Variants in CUL1 observed in about 807,000 individuals in gnomAD.
The protein encoded by CUL1 is cullin-1.
Under a neutral mutation model 118.0 loss-of-function variants are expected in CUL1, and 24 were observed. The observed-to-expected ratio is 0.20, with a 90% CI of 0.15 to 0.29. CUL1 has a LOEUF of 0.29. Ranked by LOEUF, CUL1 falls within the 10% of genes least tolerant of loss-of-function variation. The pLI is 1.00. For synonymous variants in CUL1, 332 were observed against 340.4 expected, an observed-to-expected ratio of 0.98 and a Z score of 0.27; for missense variants, 361 against 933.8, an observed-to-expected ratio of 0.39 and a Z score of 7.99.
chr7:148,752,792 G>T (rs1393820869), intron 2 of CUL1, among the ~76,000 whole-genome samples: 3 of 152,158 alleles, frequency 2.0e-5, no homozygotes, highest in African/African-American at 7.2e-5. Flanking sequence ...GGGACTACAG[G>T]CGCCTGCCAC....
intron 3 of CUL1, among the ~76,000 whole-genome samples, chr7:148,754,929 T>C (rs1409158847): frequency 6.6e-6 from 1 of 151,812 alleles, no homozygotes; most frequent in African/African-American, 2.4e-5. Context: ...AATTTTTAAA[T>C]CTTTTGTAGA....
At chr7:148,790,211 CTT>C (rs1800958292) in intron 15 of CUL1, 97 bp from the exon 16 acceptor site, 1 of 1,315,210 alleles carries the variant, frequency 7.6e-7, no homozygotes. Context: ...TAAGCACTGA[CTT>C]TGTACTGTAA....
intron 1 of CUL1, among the ~76,000 whole-genome samples, chr7:148,725,897 T>C (rs1191971394): frequency 6.6e-6 from 1 of 152,218 alleles, no homozygotes; most frequent in Non-Finnish European, 1.5e-5. Flanking sequence ...CCTCAGATCA[T>C]CTGTGCATGA....
intron 2 of CUL1, among the ~76,000 whole-genome samples, chr7:148,751,129 A>T (rs243486): frequency 6.6e-6 from 1 of 152,008 alleles, no homozygotes; most frequent in South Asian, 2.1e-4. Context: ...GCTTTGTAGC[A>T]CTAAGTTGGC....
intron 9 of CUL1, among the ~76,000 whole-genome samples, chr7:148,778,577 G>A (rs148642455): frequency 6.6e-5 from 10 of 152,172 alleles, no homozygotes; most frequent in Non-Finnish European, 1.5e-4. Context: ...TGCACGATAT[G>A]TTTTTGTTAC....
At position 148,732,976 on chromosome 7, in the gene CUL1, G is replaced by A. The variant is rs139917361; in HGVS notation, c.140+2714G>A. ...AATGAAATAATGGCTACAGCTGTCAGGCTTTGTGCTTGGAACCATCCACAC... is the reference window on the plus strand; with the variant it reads ...AATGAAATAATGGCTACAGCTGTCAAGCTTTGTGCTTGGAACCATCCACAC... On this transcript the variant is annotated intron_variant, in intron 2 of 21. Coordinates refer to ENST00000325222, the MANE Select transcript of CUL1 (RefSeq NM_003592.3). 4.4e-3 allele frequency among the ~76,000 whole-genome samples: 666 copies of A among 152,148 alleles called. 6 individuals carry two copies. The highest frequency in any genetic ancestry group is 0.015 in the African/African-American group (637 of 41,510).
At chr7:148,778,699 C>G (rs1800508789) in intron 9 of CUL1, among the ~76,000 whole-genome samples, 1 of 152,160 alleles carries the variant, frequency 6.6e-6, no homozygotes. Context: ...TTCTTGTTGA[C>G]TGCCTGTCCT....
At chr7:148,717,180 C>T (rs1381768347) in intron 1 of CUL1, among the ~76,000 whole-genome samples, 3 of 152,136 alleles carry the variant, frequency 2.0e-5, no homozygotes, top group African/African-American at 4.8e-5. Flanking sequence ...CCTCAGCCTC[C>T]TGGGTAGCTG....
At chr7:148,786,628 C>A in intron 12 of CUL1, 29 bp downstream of exon 12, 1 of 1,588,074 alleles carries the variant, frequency 6.3e-7, no homozygotes, top group Non-Finnish European at 8.6e-7. Flanking sequence ...TACCCATTTC[C>A]AGTAGCTGTG....
chr7:148,730,552 C>A lies in CUL1; in HGVS notation c.140+290C>A, dbSNP rs375641176. Among the ~76,000 whole-genome samples, 66 of 152,264 alleles carry A rather than the reference C, an allele frequency of 4.3e-4. No homozygotes were observed. The East Asian group carries it at 7.7e-3, about 18-fold the overall frequency. The stretch of plus-strand genomic sequence containing the variant: ...TGTGTGATTAATAAATAAAACATTT[C>A]TGTCATGTAGAAGGTTCCGTTGGGC... On this transcript the variant is annotated intron_variant, in intron 2 of 21. Transcript: ENST00000325222.
chr7:148,776,420 G>A (rs35519647), intron 9 of CUL1, among the ~76,000 whole-genome samples: 47,891 of 145,772 alleles, frequency 0.33, 9,487 homozygotes, highest in Non-Finnish European at 0.44. Flanking sequence ...AGGTTCAAGC[G>A]ATTCTCCTGC....
At chr7:148,768,242 T>C (rs1563163842) in intron 9 of CUL1, among the ~76,000 whole-genome samples, 1 of 151,844 alleles carries the variant, frequency 6.6e-6, no homozygotes. Flanking sequence ...TCATCTGTAA[T>C]TCAGGTCATC....
intron 6 of CUL1, 134 bp from the exon 7 acceptor site, chr7:148,760,199 A>G: frequency 1.6e-6 from 1 of 615,026 alleles, no homozygotes. Flanking sequence ...CTAGTGAGTA[A>G]GAGTTACTTA....
chr7:148,797,749 G>A, intron 17 of CUL1, 63 bp from the exon 18 acceptor site: 1 of 1,223,180 alleles, frequency 8.2e-7, no homozygotes, highest in Non-Finnish European at 1.2e-6. Flanking sequence ...GGTTGCCTGT[G>A]GTGGTTATTG....
intron 9 of CUL1, among the ~76,000 whole-genome samples, chr7:148,782,079 C>G (rs1563167752): frequency 6.6e-6 from 1 of 152,144 alleles, no homozygotes; most frequent in South Asian, 2.1e-4. Flanking sequence ...TGAATCCTCG[C>G]TGTAGGCTGG....
chr7:148,767,698 T>C lies in CUL1; in HGVS notation c.1032T>C (p.Ile344=). The C allele has an allele frequency of 1.2e-6, 2 of 1,614,008 alleles. No individual in the cohort carries two copies. Among genetic ancestry groups the C allele is most frequent in the Non-Finnish European group, 1.7e-6 (2 of 1,179,928 alleles). ...TGAAAAAACTGTTGGAGACACACAT[T>C]CATAATCAGGGTCTTGCAGCCATTG... ...GELKKLLETH[I]HNQGLAAIEK... Residue 344 remains isoleucine, a synonymous_variant, in exon 9 of 22, where the codon ATT becomes ATC. Transcript: ENST00000325222.
intron 2 of CUL1, among the ~76,000 whole-genome samples, chr7:148,732,532 C>CT (rs1280057120): frequency 5.3e-5 from 8 of 150,318 alleles, no homozygotes; most frequent in Admixed American, 4.0e-4. Context: ...TTCCTAGAGA[C>CT]TTTCACCAAG....
chr7:148,800,893 G>A lies in CUL1; in HGVS notation c.*311G>A, dbSNP rs1054603102. 6 of 236,180 alleles carry A rather than the reference G, an allele frequency of 2.5e-5. No individual in the cohort carries two copies. The highest frequency in any genetic ancestry group is 6.8e-5 in the African/African-American group (3 of 44,028). 14.6% of individuals were successfully genotyped at this position (236,180 alleles called of 1,614,324 possible). On this transcript the variant is annotated 3_prime_UTR_variant, in exon 22 of 22. Coordinates refer to ENST00000325222, the MANE Select transcript of CUL1 (RefSeq NM_003592.3). The surrounding 1 kb of genome is among the most constrained non-coding windows in gnomAD (Gnocchi z 4.6). ...ATGGGCTCCCCGATTCGCAGCTGTC[G>A]TCTTGGCAGCACTTGTCACGTTGGC...
chr7:148,769,381 CT>C (rs1365158751), intron 9 of CUL1, among the ~76,000 whole-genome samples: 1 of 141,606 alleles, frequency 7.1e-6, no homozygotes, highest in Non-Finnish European at 1.5e-5. Flanking sequence ...CTAAATGTTC[CT>C]TTAAAGGGCC....
Sources: allele counts gnomAD v4.1 joint callset (sites outside exome capture counted in the v4.1 genomes callset), GRCh38; gene constraint gnomAD v4.1.1; non-coding constraint Gnocchi (gnomAD v3.1); transcripts MANE v1.5; gene names NCBI Gene and HGNC (gene_info 2026-07-23, HGNC 2026-07-21).